The following BBS9 variants were observed in gnomAD, a reference collection of about 807,000 sequenced individuals.
The protein encoded by BBS9 is Bardet-Biedl syndrome 9.
BBS9 carries 89 observed loss-of-function variants against 117.7 expected under a neutral mutation model. The ratio of observed to expected loss-of-function variants is 0.76; its 90% CI spans 0.64 to 0.90. The LOEUF is 0.90. Among genes scored for constraint, BBS9 ranks in the 40% least tolerant of loss-of-function variants. The pLI, the probability that BBS9 is intolerant of heterozygous loss-of-function variation, is 0.00. For synonymous variants in BBS9, 379 were observed against 370.9 expected (o/e 1.02, Z -0.25); for missense variants, 982 against 1,042.2 (o/e 0.94, Z 0.80).
At chr7:33,352,734 A>G in intron 14 of BBS9, 125 bp from the exon 15 acceptor site, 1 of 1,107,508 alleles carries the variant, frequency 9.0e-7, no homozygotes, top group Middle Eastern at 2.0e-4. Context: ...GTCATCTGTG[A>G]GAATCTTGAA....
intron 21 of BBS9, among the ~76,000 whole-genome samples, chr7:33,618,657 C>T (rs190173831): frequency 6.6e-6 from 1 of 152,042 alleles, no homozygotes; most frequent in Non-Finnish European, 1.5e-5. Context: ...GAGTTCCAGA[C>T]CAGGCCGGGC....
chr7:33,593,287 T>C (rs1862226497), intron 21 of BBS9, among the ~76,000 whole-genome samples: 1 of 152,152 alleles, frequency 6.6e-6, no homozygotes, highest in African/African-American at 2.4e-5. Context: ...CCTCCCCACC[T>C]TCTCACAATG....
intron 21 of BBS9, among the ~76,000 whole-genome samples, chr7:33,553,518 C>T (rs1318426904): frequency 6.6e-6 from 1 of 152,168 alleles, no homozygotes; most frequent in Non-Finnish European, 1.5e-5. Context: ...CAGTAATGCC[C>T]TCTGACTCTT....
chr7:33,558,735 A>G (rs1366748831), intron 21 of BBS9, among the ~76,000 whole-genome samples: 2 of 152,180 alleles, frequency 1.3e-5, no homozygotes, highest in Admixed American at 6.5e-5. Flanking sequence ...GCATGTTGAA[A>G]TAGCATTATA....
chr7:33,517,460 C>G (rs1364248824), intron 20 of BBS9, among the ~76,000 whole-genome samples: 2 of 152,222 alleles, frequency 1.3e-5, no homozygotes, highest in African/African-American at 4.8e-5. Flanking sequence ...TAGATTAATG[C>G]CCAGGTTCCC....
rs367744927 is a variant in BBS9, at chr7:33,513,387, T to A, written c.2298+7742T>A. Among the ~76,000 whole-genome samples the A allele has an allele frequency of 2.0e-4, 30 of 152,296 alleles. No individual in the cohort carries two copies. In the East Asian group the frequency reaches 3.9e-3, roughly 20 times the overall value. ...AGTACTCTAAAATTATTATATGTAC[T>A]TGTCCTATATTCTAATAAATATAAG... On this transcript the variant is annotated intron_variant, in intron 20 of 22. Coordinates refer to ENST00000242067, the MANE Select transcript of BBS9 (RefSeq NM_198428.3).
chr7:33,362,012 C>G (rs1044890188), intron 16 of BBS9, among the ~76,000 whole-genome samples: 1 of 152,160 alleles, frequency 6.6e-6, no homozygotes, highest in African/African-American at 2.4e-5. Flanking sequence ...ATATCCATCA[C>G]TGCCAAAAGT....
chr7:33,148,725 C>T (rs902272086), intron 2 of BBS9, among the ~76,000 whole-genome samples: 5 of 147,368 alleles, frequency 3.4e-5, no homozygotes, highest in African/African-American at 1.3e-4. Flanking sequence ...AGTGCAGTGG[C>T]ATGATCATGG....
intron 5 of BBS9, among the ~76,000 whole-genome samples, chr7:33,248,746 C>T (rs1795767719): frequency 2.0e-5 from 3 of 151,902 alleles, no homozygotes. Flanking sequence ...ATTTTTTTTC[C>T]GTGCATGCGT....
intron 21 of BBS9, among the ~76,000 whole-genome samples, chr7:33,616,372 A>G (rs1384234256): frequency 6.6e-6 from 1 of 150,636 alleles, no homozygotes; most frequent in Non-Finnish European, 1.5e-5. Context: ...ATGAAAAAGT[A>G]TAGTGTTATT....
intron 5 of BBS9, among the ~76,000 whole-genome samples, chr7:33,192,659 T>G (rs2128194510): frequency 6.6e-6 from 1 of 152,346 alleles, no homozygotes; most frequent in Admixed American, 6.5e-5. Flanking sequence ...TTTGTGTTGC[T>G]ATACCAAAAC....
In BBS9 at chr7:33,370,971, A is replaced by G. The variant is rs151204418; in HGVS notation, c.1789+3109A>G. ...GAAATCAGAAAGAGAAAATCAGAGC[A>G]GGAAACTAATAAAGGTAGAAATAAG... On this transcript the variant is annotated intron_variant, in intron 17 of 22. Transcript: ENST00000242067. 3.8e-3 allele frequency among the ~76,000 whole-genome samples: 585 copies of G among 152,374 alleles called. 1 individual carries two copies. Among genetic ancestry groups the G allele is most frequent in the Non-Finnish European group, 5.2e-3 (357 of 68,036 alleles).
chr7:33,624,321 A>T (rs6462487), intron 21 of BBS9, among the ~76,000 whole-genome samples: 112 of 152,096 alleles, frequency 7.4e-4, no homozygotes, highest in African/African-American at 2.6e-3. Flanking sequence ...CCCACCACCT[A>T]CCACCCACCT....
intron 21 of BBS9, among the ~76,000 whole-genome samples, chr7:33,582,327 T>C (rs1860096454): frequency 6.6e-6 from 1 of 151,898 alleles, no homozygotes; most frequent in African/African-American, 2.4e-5. Flanking sequence ...GGAAATGTAA[T>C]GTGAGCAGAC....
At chr7:33,405,846 C>A (rs1208580128) in intron 19 of BBS9, among the ~76,000 whole-genome samples, 1 of 152,062 alleles carries the variant, frequency 6.6e-6, no homozygotes, top group African/African-American at 2.4e-5. Context: ...CTATTTCCTT[C>A]AGTTCTGCTC....
intron 21 of BBS9, among the ~76,000 whole-genome samples, chr7:33,573,800 G>A (rs774442713): frequency 6.6e-6 from 1 of 152,070 alleles, no homozygotes; most frequent in Non-Finnish European, 1.5e-5. Flanking sequence ...TAGTGAAGAT[G>A]CAGATAGCCA....
At chr7:33,259,739 T>C (rs1797659286) in intron 6 of BBS9, among the ~76,000 whole-genome samples, 1 of 152,166 alleles carries the variant, frequency 6.6e-6, no homozygotes, top group South Asian at 2.1e-4. Context: ...GCCATGTATG[T>C]CCAAACTTTG....
chr7:33,282,663 G>T (rs1802133176), intron 9 of BBS9, among the ~76,000 whole-genome samples: 2 of 152,162 alleles, frequency 1.3e-5, no homozygotes, highest in African/African-American at 4.8e-5. Context: ...GAGCCACCGT[G>T]TGTGGCCATG....
intron 19 of BBS9, among the ~76,000 whole-genome samples, chr7:33,485,308 GTTTTTT>G (rs371550940): frequency 7.9e-6 from 1 of 127,176 alleles, no homozygotes; most frequent in African/African-American, 2.9e-5. Context: ...TAACATAAAA[GTTTTTT>G]TTTTTTTTTT....
Sources: gnomAD v4.1 joint callset for allele counts (sites outside exome capture counted in the v4.1 genomes callset) on GRCh38, gnomAD v4.1.1 for gene constraint, MANE v1.5 for transcripts, NCBI Gene and HGNC (gene_info 2026-07-23, HGNC 2026-07-21) for gene names.